Variants in UBR3 observed in about 807,000 individuals in gnomAD.
UBR3 encodes the protein E3 ubiquitin-protein ligase UBR3.
UBR3 carries 85 observed loss-of-function variants against 243.2 expected under a neutral mutation model. The observed-to-expected ratio is 0.35, with a 90% confidence interval of 0.29 to 0.42. UBR3 has a LOEUF of 0.42. UBR3 is among the 10% of genes least tolerant of loss of function. The pLI is 1.00. For synonymous variants in UBR3, 748 were observed against 799.8 expected (o/e 0.94, Z 1.09); for missense variants, 1,686 against 2,300.8 (o/e 0.73, Z 5.47).
chr2:169,929,474 G>A (rs2086038739), intron 18 of UBR3, among the ~76,000 whole-genome samples: 1 of 152,094 alleles, frequency 6.6e-6, no homozygotes, highest in South Asian at 2.1e-4. Flanking sequence ...TACTCGGGAG[G>A]CTGAGGCAGG....
chr2:169,890,573 ATATATATGTATATATATATG>A (rs2084324511), intron 5 of UBR3, among the ~76,000 whole-genome samples: 3 of 103,964 alleles, frequency 2.9e-5, no homozygotes, highest in Non-Finnish European at 6.3e-5. Context: ...ATGTGTATAT[ATATATATGTATATATATATG>A]TATATATATG....
chr2:170,053,632 C>T (rs1404362886), intron 32 of UBR3, among the ~76,000 whole-genome samples: 3 of 152,194 alleles, frequency 2.0e-5, no homozygotes, highest in African/African-American at 7.2e-5. Flanking sequence ...AACACAGCCA[C>T]TTTAGCTGGG....
At chr2:169,968,368 C>T (rs979399144) in intron 24 of UBR3, among the ~76,000 whole-genome samples, 5 of 152,132 alleles carry the variant, frequency 3.3e-5, no homozygotes, top group Non-Finnish European at 5.9e-5. Flanking sequence ...CCCTTCCCAG[C>T]GTCTGGTAAC....
chr2:170,079,002 AT>A (rs1197762542), intron 36 of UBR3, among the ~76,000 whole-genome samples: 1 of 152,148 alleles, frequency 6.6e-6, no homozygotes, highest in Non-Finnish European at 1.5e-5. Context: ...TACTCCACTG[AT>A]TTAGGTGGAT....
intron 29 of UBR3, 70 bp downstream of exon 29, chr2:170,009,010 T>C: frequency 1.9e-6 from 2 of 1,039,290 alleles, no homozygotes; most frequent in South Asian, 4.8e-5. Flanking sequence ...TTAATAAATA[T>C]TTGTTTTATT....
intron 1 of UBR3, among the ~76,000 whole-genome samples, chr2:169,871,503 C>T (rs1038765436): frequency 2.9e-4 from 44 of 151,484 alleles, no homozygotes; most frequent in Admixed American, 1.3e-4. Context: ...CAGTGGCTCA[C>T]GGGGCCGAGG....
Position 169,872,270 on chromosome 2 carries a change from A to T in UBR3, c.580A>T (p.Asn194Tyr). Residue 194 changes from asparagine (N) to tyrosine (Y), a missense_variant, in exon 2 of 39, where the codon AAT becomes TAT. Physicochemically the swap from Asn to Tyr is moderately radical, Grantham distance 143. Coordinates refer to ENST00000272793, the MANE Select transcript of UBR3 (RefSeq NM_172070.4). ...CKRHQIKSSS[N>Y]IPCVPKDLLM... ...AAGGCATCAAATTAAATCAAGTTCA[A>T]ATATTCCCTGTGTCCCTAAAGACTT... The T allele has an allele frequency of 6.5e-7, 1 of 1,534,240 alleles. No homozygotes were observed. The highest frequency in any genetic ancestry group is 1.4e-5 in the African/African-American group (1 of 72,674).
chr2:169,934,085 TTATCTCTG>T (rs1229804781), intron 19 of UBR3, among the ~76,000 whole-genome samples: 2 of 152,352 alleles, frequency 1.3e-5, no homozygotes, highest in Admixed American at 1.3e-4. Flanking sequence ...GAATATATTT[TTATCTCTG>T]TATCTCGTCT....
chr2:169,864,193 A>G (rs1179401371), intron 1 of UBR3, among the ~76,000 whole-genome samples: 2 of 152,046 alleles, frequency 1.3e-5, no homozygotes, highest in Non-Finnish European at 2.9e-5. Context: ...TTATAGGTGC[A>G]TGCCACCACA....
In UBR3 at chr2:169,896,418, T is replaced by C. The variant is rs1007157938; in HGVS notation, c.1237-89T>C. The C allele has an allele frequency of 5.2e-6, 4 of 765,600 alleles. No homozygotes were observed. In the African/African-American group the frequency reaches 7.0e-5, roughly 13 times the overall value. 47.4% of individuals were successfully genotyped at this position (765,600 alleles called of 1,614,324 possible). Reference sequence around the variant, plus strand: ...GGCATTATTATAAATTAGTAATAGCTGTAAAATGTTAACATGATATATTGA... The same window carrying C: ...GGCATTATTATAAATTAGTAATAGCCGTAAAATGTTAACATGATATATTGA... On this transcript the variant is annotated intron_variant, in intron 7 of 38. Transcript: ENST00000272793.
intron 23 of UBR3, among the ~76,000 whole-genome samples, chr2:169,950,543 T>C (rs2086974571): frequency 6.6e-6 from 1 of 152,088 alleles, no homozygotes; most frequent in Non-Finnish European, 1.5e-5. Context: ...GCTTCTAGCT[T>C]TTGGATCTTT....
chr2:169,884,414 C>T (rs983421638), intron 5 of UBR3, among the ~76,000 whole-genome samples: 7 of 152,204 alleles, frequency 4.6e-5, no homozygotes, highest in African/African-American at 1.7e-4. Context: ...TCCCAAACTG[C>T]TGGGTTTACA....
intron 29 of UBR3, 53 bp downstream of exon 29, chr2:170,008,993 T>C: frequency 8.8e-7 from 1 of 1,137,026 alleles, no homozygotes; most frequent in African/African-American, 1.7e-5. Context: ...ATAGTTGATT[T>C]TATTATTTAA....
At chr2:169,947,744 G>C (rs1406009649) in intron 22 of UBR3, 29 bp downstream of exon 22, 1 of 1,421,446 alleles carries the variant, frequency 7.0e-7, no homozygotes, top group Non-Finnish European at 9.2e-7. Context: ...AAGAAAATAA[G>C]AAAAAGCTTT....
At chr2:169,946,126 T>G (rs2086785634) in intron 20 of UBR3, among the ~76,000 whole-genome samples, 162 bp from the exon 21 acceptor site, 1 of 152,100 alleles carries the variant, frequency 6.6e-6, no homozygotes, top group African/African-American at 2.4e-5. Flanking sequence ...TTCGTATGAA[T>G]TTTTTTAGTG....
chr2:169,838,249 A>T (rs58990374), intron 1 of UBR3, among the ~76,000 whole-genome samples: 2 of 152,136 alleles, frequency 1.3e-5, no homozygotes, highest in Non-Finnish European at 2.9e-5. Context: ...TAATCATTCA[A>T]TGGAATACTT....
intron 5 of UBR3, among the ~76,000 whole-genome samples, chr2:169,878,804 T>C (rs1055819603): frequency 6.6e-6 from 1 of 152,196 alleles, no homozygotes. Context: ...AGATTTTTAC[T>C]TCTTGTTTAT....
At chr2:169,871,150 G>T (rs1011280237) in intron 1 of UBR3, among the ~76,000 whole-genome samples, 5 of 152,110 alleles carry the variant, frequency 3.3e-5, no homozygotes, top group Non-Finnish European at 7.4e-5. Context: ...TTATTTGGAT[G>T]TTGACTATAG....
intron 1 of UBR3, among the ~76,000 whole-genome samples, chr2:169,851,978 TTTGAGATGTTTTCATATTGCC>T (rs1462694361): frequency 6.6e-6 from 1 of 152,218 alleles, no homozygotes; most frequent in Non-Finnish European, 1.5e-5. Context: ...GAAGACATCT[TTTGAGATGTTTTCATATTGCC>T]TGTAACTTTG....
Sources: allele counts gnomAD v4.1 joint callset (sites outside exome capture counted in the v4.1 genomes callset), GRCh38; gene constraint gnomAD v4.1.1; transcripts MANE v1.5; gene names NCBI Gene and HGNC (gene_info 2026-07-23, HGNC 2026-07-21).